NAA38: variants seen among roughly 807,000 people sequenced by gnomAD.
The protein encoded by NAA38 is N-alpha-acetyltransferase 38, NatC auxiliary subunit.
NAA38 carries 15 observed loss-of-function variants against 12.6 expected under a neutral mutation model. That is an observed-to-expected ratio of 1.19 (90% CI 0.79 to 1.83). The LOEUF is 1.83. Among genes scored for constraint, NAA38 ranks in the 40% most tolerant of loss-of-function variants. The pLI, the probability that NAA38 is intolerant of heterozygous loss-of-function variation, is 0.00. For missense variants in NAA38, 183 were observed against 171.7 expected, an observed-to-expected ratio of 1.07 and a Z score of -0.37; for synonymous variants, 88 against 69.9, an observed-to-expected ratio of 1.26 and a Z score of -1.29.
At chr17:7,867,498 C>T (rs1043101670) in intron 2 of NAA38, among the ~76,000 whole-genome samples, 2 of 151,904 alleles carry the variant, frequency 1.3e-5, no homozygotes, top group Admixed American at 1.3e-4. Context: ...ACCACCACAC[C>T]CGGCTAATTT....
chr17:7,876,074 A>G (rs1567818480), intron 2 of NAA38, among the ~76,000 whole-genome samples: 3 of 152,170 alleles, frequency 2.0e-5, no homozygotes, highest in Non-Finnish European at 4.4e-5. Context: ...TTTGGCTATT[A>G]TGAATAATGC....
chr17:7,858,002 C>T (rs540794544), upstream of NAA38: 28 of 1,516,300 alleles, frequency 1.8e-5, no homozygotes, highest in African/African-American at 3.6e-4. Flanking sequence ...CGGAAAAGGA[C>T]AATGGTTTCC....
upstream of NAA38, chr17:7,859,300 A>G: frequency 2.6e-6 from 3 of 1,146,904 alleles, no homozygotes; most frequent in Non-Finnish European, 3.8e-6. Context: ...GCTATCTGCC[A>G]AGGGAGGCAC....
chr17:7,857,732 AG>A, upstream of NAA38: 7 of 1,284,940 alleles, frequency 5.4e-6, no homozygotes, highest in Non-Finnish European at 6.9e-6. Context: ...ACTGGAATTT[AG>A]CGAGAATACA....
chr17:7,858,207 G>GTGGCCCAACATAAC (rs2078848863), upstream of NAA38: 6 of 1,613,964 alleles, frequency 3.7e-6, no homozygotes, highest in Non-Finnish European at 5.1e-6. Flanking sequence ...GCCGGCGGAG[G>GTGGCCCAACATAAC]TGGCCCAACA....
At chr17:7,885,392 C>A (rs1348543815), upstream of NAA38, among the ~76,000 whole-genome samples, 2 of 148,692 alleles carry the variant, frequency 1.3e-5, no homozygotes, top group African/African-American at 4.9e-5. Context: ...GCGGACCGGG[C>A]CACTCGGTCG....
chr17:7,878,596 C>T (rs894563884), intron 2 of NAA38, among the ~76,000 whole-genome samples: 2 of 152,056 alleles, frequency 1.3e-5, no homozygotes, highest in East Asian at 1.9e-4. Flanking sequence ...GGTGGTGGCA[C>T]GCGCCTGTAA....
At chr17:7,858,688 T>C, upstream of NAA38, 1 of 1,611,632 alleles carries the variant, frequency 6.2e-7, no homozygotes. Context: ...CCGCCTCAGC[T>C]GCCCTGTTCG....
intron 2 of NAA38, among the ~76,000 whole-genome samples, chr17:7,870,697 C>A (rs1967070285): frequency 6.6e-6 from 1 of 151,970 alleles, no homozygotes. Context: ...GCCTGGCCAA[C>A]ATGGTGAAAC....
At chr17:7,867,163 T>C (rs1393076348) in intron 2 of NAA38, among the ~76,000 whole-genome samples, 1 of 151,718 alleles carries the variant, frequency 6.6e-6, no homozygotes, top group African/African-American at 2.4e-5. Context: ...AACTGTAGCA[T>C]GGTAAAGCTA....
At chr17:7,884,868 A>T in intron 1 of NAA38, 1 of 1,260,334 alleles carries the variant, frequency 7.9e-7, no homozygotes, top group Non-Finnish European at 1.1e-6. Context: ...TCGGAGGAGG[A>T]AGAAGAGGAG....
intron 1 of NAA38, among the ~76,000 whole-genome samples, chr17:7,884,289 G>A (rs574488138): frequency 6.7e-6 from 1 of 150,172 alleles, no homozygotes; most frequent in African/African-American, 2.5e-5. Flanking sequence ...CTTTCTTTAT[G>A]GAGGGGGTGG....
chr17:7,857,375 G>A lies in NAA38; in HGVS notation c.81+8C>T, dbSNP rs1368394083. ...CCCCTCAGTCCCAGAACCAGAGCCC[G>A]TGCTAACCCCAGCACTGGAGCTGCT... On this transcript the variant is annotated splice_region_variant and intron_variant, in intron 1 of 2. Coordinates refer to ENST00000575771, the MANE Select transcript of NAA38 (RefSeq NM_001320925.4). 6.2e-7 allele frequency: 1 copy of A among 1,612,236 alleles called. No individual in the cohort carries two copies. Among genetic ancestry groups the A allele is most frequent in the East Asian group, 2.2e-5 (1 of 44,782 alleles).
At chr17:7,858,145 G>A (rs1371374022), upstream of NAA38, 3 of 1,613,316 alleles carry the variant, frequency 1.9e-6, no homozygotes, top group African/African-American at 2.7e-5. Context: ...ATGCCGCGCC[G>A]GGGCCTGGTG....
chr17:7,857,521 G>T lies in NAA38; in HGVS notation c.-58C>A. On this transcript the variant is annotated 5_prime_UTR_variant, in exon 1 of 3. Transcript: ENST00000575771. Reference sequence around the variant, plus strand: ...TCCTAAGCACCTTTCAGGTTGGGTGGTCCGAGATCTCGCGAGCGCTCCCGA... The same window carrying T: ...TCCTAAGCACCTTTCAGGTTGGGTGTTCCGAGATCTCGCGAGCGCTCCCGA... 6.8e-7 allele frequency: 1 copy of T among 1,474,336 alleles called. No individual in the cohort carries two copies. The highest frequency in any genetic ancestry group is 1.5e-5 in the South Asian group (1 of 66,516). 91.3% of individuals were successfully genotyped at this position (1,474,336 alleles called of 1,614,324 possible).
At chr17:7,860,336 C>G (rs538387683), upstream of NAA38, 1 of 152,342 alleles carries the variant, frequency 6.6e-6, no homozygotes, top group African/African-American at 2.4e-5. Flanking sequence ...TTTGTAGACA[C>G]AGGGTCTCGC....
intron 2 of NAA38, chr17:7,883,176 G>A (rs1342055249): frequency 6.6e-6 from 1 of 152,118 alleles, no homozygotes. Flanking sequence ...AAACACTGGG[G>A]TACAGTTGGA....
upstream of NAA38, chr17:7,858,860 T>A: frequency 6.7e-7 from 1 of 1,488,942 alleles, no homozygotes; most frequent in Non-Finnish European, 9.0e-7. Flanking sequence ...TTAGAAGGAA[T>A]GGGGAATCCC....
intron 1 of NAA38, 86 bp downstream of exon 1, chr17:7,857,297 A>G (rs547266220): frequency 6.2e-7 from 1 of 1,611,788 alleles, no homozygotes; most frequent in Admixed American, 1.7e-5. Context: ...CACAAAGCCC[A>G]GAGGCTGCCG....
Sources: allele counts gnomAD v4.1 joint callset (sites outside exome capture counted in the v4.1 genomes callset), GRCh38; gene constraint gnomAD v4.1.1; transcripts MANE v1.5; gene names NCBI Gene and HGNC (gene_info 2026-07-23, HGNC 2026-07-21).